TRIM29: variants seen among roughly 807,000 people sequenced by gnomAD.
The protein encoded by TRIM29 is tripartite motif-containing protein 29.
A neutral mutation model predicts 57.3 loss-of-function variants in TRIM29; 52 were observed. That is an observed-to-expected ratio of 0.91 (90% CI 0.73 to 1.14). TRIM29 has a LOEUF of 1.14. Among genes scored for constraint, TRIM29 ranks in the 50% most tolerant of loss-of-function variants. The probability of loss-of-function intolerance (pLI) is 0.00; values close to 1 mark genes in which losing one functional copy is unlikely to be tolerated. For synonymous variants in TRIM29, 319 were observed against 316.9 expected (o/e 1.01, Z -0.07); for missense variants, 753 against 774.6 (o/e 0.97, Z 0.33).
At position 120,137,564 on chromosome 11, in the gene TRIM29, G is replaced by A. The variant is rs763506477; in HGVS notation, c.468C>T (p.Ala156=). The part of the protein sequence containing the change: ...GETRRNSYPR[A]DTGLFSRSKS... ...TGGACCGTGAAAAAAGGCCCGTGTC[G>A]GCCCGGGGGTAGCTGTTCCGCCGGG... The change falls in exon 1 of 9, where the codon GCC becomes GCT. Residue 156 remains alanine, a synonymous_variant. Transcript: ENST00000341846. The surrounding 1 kb of genome is among the most constrained non-coding windows in gnomAD (Gnocchi z 6.2). 1.2e-6 allele frequency: 2 copies of A among 1,611,656 alleles called. No individual in the cohort carries two copies. The highest frequency in any genetic ancestry group is 8.5e-7 in the Non-Finnish European group (1 of 1,179,974).
intron 6 of TRIM29, among the ~76,000 whole-genome samples, chr11:120,120,009 C>T (rs1216260674): frequency 6.6e-6 from 1 of 152,158 alleles, no homozygotes; most frequent in Admixed American, 6.5e-5. Context: ...TAAGGTGCTG[C>T]TCGCTTGCCT....
Position 120,137,362 on chromosome 11 carries a change from T to TG in TRIM29, c.669dup (p.Lys224GlnfsTer33), listed in dbSNP as rs1863840633. ...ATCGTCTTGCCATGCACGGGACACT[T>TG]GCGGGCCTCAAAGTCCCGGATGGGC... On this transcript the variant is annotated frameshift_variant, in exon 1 of 9. Coordinates refer to ENST00000341846, the MANE Select transcript of TRIM29 (RefSeq NM_012101.4). LOFTEE classifies it high-confidence loss of function. The surrounding 1 kb of genome is among the most constrained non-coding windows in gnomAD (Gnocchi z 6.2). The TG allele has an allele frequency of 6.2e-7, 1 of 1,613,562 alleles. No individual in the cohort carries two copies. The highest frequency in any genetic ancestry group is 1.3e-5 in the African/African-American group (1 of 74,840).
intron 5 of TRIM29, chr11:120,121,981 G>A (rs988022964): frequency 1.1e-5 from 5 of 448,438 alleles, no homozygotes; most frequent in Non-Finnish European, 2.3e-5. Context: ...TGGCCGGCTG[G>A]GGCCTGGCCC....
chr11:120,128,434 G>C lies in TRIM29; in HGVS notation c.866C>G (p.Ala289Gly). Residue 289 changes from alanine to glycine, a missense_variant, in exon 2 of 9, where the codon GCT becomes GGT. Physicochemically the swap from Ala to Gly is moderately conservative, Grantham distance 60. Transcript: ENST00000341846. ...QLKIIEIEDE[A>G]EKWQKEKDRI... ...GTCCTTCTCCTTCTGCCACTTCTCAGCTTCATCCTCAATCTCAATGATCTT... is the reference window on the plus strand; with the variant it reads ...GTCCTTCTCCTTCTGCCACTTCTCACCTTCATCCTCAATCTCAATGATCTT... 1 of 1,612,512 alleles carries C rather than the reference G, an allele frequency of 6.2e-7. No homozygotes were observed. Among genetic ancestry groups the C allele is most frequent in the African/African-American group, 1.3e-5 (1 of 75,014 alleles).
chr11:120,137,956 TG>T lies in TRIM29; in HGVS notation c.75del (p.Ser26ValfsTer35). ...EARDARSPSG[P>X]SGSLENGTKA... ...TTGGTGCCATTCTCCAGGCTGCCAC[TG>T]GGGCCCGACGGGCTCCGGGCATCCC... is the stretch of plus-strand genomic sequence containing the variant. On this transcript the variant is annotated frameshift_variant, in exon 1 of 9. Transcript: ENST00000341846. LOFTEE classifies it high-confidence loss of function. The surrounding 1 kb of genome is among the most constrained non-coding windows in gnomAD (Gnocchi z 6.2). The T allele has an allele frequency of 6.2e-7, 1 of 1,607,262 alleles. No individual in the cohort carries two copies.
chr11:120,121,062 C>T (rs1354306167), intron 5 of TRIM29, among the ~76,000 whole-genome samples: 4 of 152,152 alleles, frequency 2.6e-5, no homozygotes, highest in Non-Finnish European at 5.9e-5. Context: ...TTCCCGCACA[C>T]CTGGGCTCTC....
chr11:120,128,290 A>G, intron 2 of TRIM29, 110 bp downstream of exon 2: 1 of 846,664 alleles, frequency 1.2e-6, no homozygotes, highest in Non-Finnish European at 1.9e-6. Flanking sequence ...GAAGAAACAT[A>G]TTGGGATGTC....
intron 1 of TRIM29, among the ~76,000 whole-genome samples, chr11:120,131,145 C>T (rs981875926): frequency 2.6e-5 from 4 of 152,054 alleles, no homozygotes; most frequent in African/African-American, 9.7e-5. Flanking sequence ...GAGTTGAGTG[C>T]CTGGAGTGAG....
intron 3 of TRIM29, among the ~76,000 whole-genome samples, chr11:120,126,628 T>C (rs1863597239): frequency 6.6e-6 from 1 of 152,080 alleles, no homozygotes; most frequent in South Asian, 2.1e-4. Context: ...GAAGACTCTG[T>C]CCTCCCTCTC....
chr11:120,126,151 G>A (rs1003399134), intron 3 of TRIM29: 1 of 451,154 alleles, frequency 2.2e-6, no homozygotes, highest in African/African-American at 1.9e-5. Context: ...TACCTCATAG[G>A]GTTTATGAGA....
chr11:120,125,933 A>G lies in TRIM29; in HGVS notation c.1135-44T>C, dbSNP rs571401503. ...ACCATTAACTGCCTGGGTCTTCATGAGCTATGAGGACGCTTCTCTGCCAGG... is the reference window on the plus strand; with the variant it reads ...ACCATTAACTGCCTGGGTCTTCATGGGCTATGAGGACGCTTCTCTGCCAGG... On this transcript the variant is annotated intron_variant, in intron 3 of 8. Coordinates refer to ENST00000341846, the MANE Select transcript of TRIM29 (RefSeq NM_012101.4). 6.3e-6 allele frequency: 10 copies of G among 1,583,840 alleles called. No individual in the cohort carries two copies. The East Asian group carries it at 2.0e-4, about 32-fold the overall frequency.
chr11:120,113,400 C>T (rs1414474556), intron 8 of TRIM29: 2 of 289,380 alleles, frequency 6.9e-6, no homozygotes, highest in South Asian at 6.9e-5. Flanking sequence ...TTAGCTGCTG[C>T]TCACCCACGC....
Position 120,118,273 on chromosome 11 carries a change from G to A in TRIM29, c.1577C>T (p.Ser526Phe). 6.2e-7 allele frequency: 1 copy of A among 1,614,086 alleles called. No homozygotes were observed. Among genetic ancestry groups the A allele is most frequent in the Non-Finnish European group, 8.5e-7 (1 of 1,179,978 alleles). ...VWEYSSSIQNSDNDLPVVQGS... is the reference protein window; with the variant it reads ...VWEYSSSIQNFDNDLPVVQGS... ...TTGGACGACGGGCAGGTCATTGTCAGAGTTCTGAATGCTGGAGGAGTACTC... is the reference window on the plus strand; with the variant it reads ...TTGGACGACGGGCAGGTCATTGTCAAAGTTCTGAATGCTGGAGGAGTACTC... Residue 526 changes from serine to phenylalanine, a missense_variant, in exon 7 of 9, where the codon TCT (serine) becomes TTT (phenylalanine). Physicochemically the swap from Ser to Phe is radical, Grantham distance 155 (BLOSUM62 -2). Transcript: ENST00000341846.
intron 3 of TRIM29, 37 bp from the exon 4 acceptor site, chr11:120,125,926 C>T (rs1466794377): frequency 1.9e-6 from 3 of 1,598,130 alleles, no homozygotes; most frequent in Non-Finnish European, 2.6e-6. Context: ...CTGCCTGGGT[C>T]TTCATGAGCT....
At chr11:120,129,900 G>A (rs12790585) in intron 1 of TRIM29, among the ~76,000 whole-genome samples, 32,111 of 151,974 alleles carry the variant, frequency 0.21, 4,223 homozygotes, top group Non-Finnish European at 0.3. Context: ...ACCAGCAAAC[G>A]GCCGGAAATG....
rs1210980894 is a variant in TRIM29 at position 120,117,098 on chromosome 11, C to T, written c.1627+1125G>A. On this transcript the variant is annotated intron_variant, in intron 7 of 8. Coordinates refer to ENST00000341846, the MANE Select transcript of TRIM29 (RefSeq NM_012101.4). ...GAGGCATTAGTGGCACAGCGCTGGT[C>T]CCAGAGGGGCCAAAAGGACCCACAC... is the stretch of plus-strand genomic sequence containing the variant. 4.6e-5 allele frequency: 17 copies of T among 367,856 alleles called. No homozygotes were observed. The East Asian group carries it at 1.4e-3, about 30-fold the overall frequency. The allele number at this position is 367,856 out of a possible 1,614,324, so 22.8% of individuals were successfully genotyped here. A position where few individuals can be genotyped will look rare whatever the true frequency, so the allele number is the denominator to read the frequency against.
At chr11:120,132,615 A>G (rs1000096316) in intron 1 of TRIM29, among the ~76,000 whole-genome samples, 2 of 152,112 alleles carry the variant, frequency 1.3e-5, no homozygotes, top group Non-Finnish European at 2.9e-5. Context: ...GACACACCTG[A>G]GCACCCACCC....
At chr11:120,112,526 G>A (rs1473834749) in intron 8 of TRIM29, 50 bp from the exon 9 acceptor site, 1 of 1,602,274 alleles carries the variant, frequency 6.2e-7, no homozygotes, top group African/African-American at 1.3e-5. Flanking sequence ...AGATGAGCCT[G>A]CTAGCTAGAC....
intron 1 of TRIM29, among the ~76,000 whole-genome samples, chr11:120,135,942 C>A (rs183888161): frequency 2.0e-3 from 299 of 152,218 alleles, no homozygotes; most frequent in African/African-American, 7.0e-3. Context: ...GAAGAGTGAG[C>A]CCCACATCTG....
Sources: gnomAD v4.1 joint callset for allele counts (sites outside exome capture counted in the v4.1 genomes callset) on GRCh38, gnomAD v4.1.1 for gene constraint, Gnocchi (gnomAD v3.1) non-coding constraint, MANE v1.5 for transcripts, NCBI Gene and HGNC (gene_info 2026-07-23, HGNC 2026-07-21) for gene names.